The following NLGN1 variants were observed in gnomAD, a reference collection of about 807,000 sequenced individuals.
NLGN1 encodes the protein neuroligin 1.
NLGN1 carries 12 observed loss-of-function variants against 65.5 expected under a neutral mutation model. The ratio of observed to expected loss-of-function variants is 0.18; its 90% CI spans 0.12 to 0.30. NLGN1 has a LOEUF of 0.30. Among genes scored for constraint, NLGN1 ranks in the 10% least tolerant of loss-of-function variants. The pLI, the probability that NLGN1 is intolerant of heterozygous loss-of-function variation, is 1.00. For synonymous variants in NLGN1, 350 were observed against 359.5 expected (o/e 0.97, Z 0.30); for missense variants, 750 against 1,007.1 (o/e 0.74, Z 3.46).
At chr3:173,605,678 T>A in intron 3 of NLGN1, 85 bp downstream of exon 3, 1 of 604,526 alleles carries the variant, frequency 1.7e-6, no homozygotes, top group South Asian at 1.5e-5. Context: ...GATTTGCTGA[T>A]GCTGGGAAGT....
At chr3:174,069,433 A>G (rs771624231) in intron 4 of NLGN1, among the ~76,000 whole-genome samples, 1 of 152,222 alleles carries the variant, frequency 6.6e-6, no homozygotes, top group Non-Finnish European at 1.5e-5. Flanking sequence ...TTAGAAGGAT[A>G]TTGCAGTGAC....
chr3:173,445,255 G>T lies in NLGN1; in HGVS notation c.-321+10177G>T, dbSNP rs531566194. On this transcript the variant is annotated intron_variant, in intron 2 of 6. Transcript: ENST00000457714. ...TGCACTCCAGCCTGGGCGACAGAGC[G>T]AGACTCCGTCTCAAAAAAAAAAAAA... is the stretch of plus-strand genomic sequence containing the variant. Among the ~76,000 whole-genome samples the T allele has an allele frequency of 2.5e-5, 3 of 119,500 alleles. No homozygotes were observed. In the South Asian group the frequency reaches 8.6e-4, roughly 34 times the overall value. 78.4% of individuals were successfully genotyped at this position (119,500 alleles called of 152,430 possible).
intron 4 of NLGN1, among the ~76,000 whole-genome samples, chr3:174,078,046 T>C (rs1203688398): frequency 6.6e-6 from 1 of 152,176 alleles, no homozygotes; most frequent in African/African-American, 2.4e-5. Flanking sequence ...CCACATAGTC[T>C]TTTGTCTACA....
chr3:174,117,382 C>T (rs1353730909), intron 4 of NLGN1, among the ~76,000 whole-genome samples: 1 of 151,720 alleles, frequency 6.6e-6, no homozygotes, highest in Non-Finnish European at 1.5e-5. Context: ...TTTGGGAGGC[C>T]GAGGCGGGTG....
intron 3 of NLGN1, among the ~76,000 whole-genome samples, chr3:173,678,491 G>A (rs139633731): frequency 1.3e-3 from 202 of 152,180 alleles, no homozygotes; most frequent in African/African-American, 4.5e-3. Flanking sequence ...ATGTATTGAA[G>A]GAATCGTAGG....
chr3:174,228,100 A>T (rs6772965), intron 4 of NLGN1, among the ~76,000 whole-genome samples: 1 of 151,690 alleles, frequency 6.6e-6, no homozygotes, highest in African/African-American at 2.4e-5. Flanking sequence ...GAAATTGTTT[A>T]TCAATTGGTT....
intron 4 of NLGN1, among the ~76,000 whole-genome samples, chr3:173,966,964 A>C (rs936296380): frequency 3.9e-5 from 6 of 152,200 alleles, no homozygotes; most frequent in African/African-American, 1.4e-4. Context: ...TGGAGACTAA[A>C]ATCTGGAAAA....
intron 4 of NLGN1, among the ~76,000 whole-genome samples, chr3:173,827,257 G>C (rs1253284356): frequency 2.0e-5 from 3 of 152,016 alleles, no homozygotes; most frequent in African/African-American, 7.2e-5. Context: ...TGAAGAAGTA[G>C]GGAAAATCCA....
intron 2 of NLGN1, among the ~76,000 whole-genome samples, chr3:173,437,732 A>C (rs1184549278): frequency 6.7e-6 from 1 of 150,072 alleles, no homozygotes; most frequent in Non-Finnish European, 1.5e-5. Context: ...TGCCACCATC[A>C]CTCTTGGCTT....
rs372449561 is a variant in NLGN1, at chr3:174,279,013, C to G, written c.1012C>G (p.Pro338Ala). Residue 338 changes from proline (P) to alanine (A), a missense_variant, in exon 6 of 7, where the codon CCT (proline) becomes GCT (alanine). Coordinates refer to ENST00000457714, the Ensembl canonical transcript of NLGN1. This position sits in a 1 kb window ranked among gnomAD's most constrained non-coding sequence, Gnocchi z 4.7. Reference sequence around the variant, plus strand: ...GTTAGTGGAATGCCTACAGAAGAAGCCTTACAAAGAACTTGTTGACCAAGA... The same window carrying G: ...GTTAGTGGAATGCCTACAGAAGAAGGCTTACAAAGAACTTGTTGACCAAGA... 7.5e-6 allele frequency: 12 copies of G among 1,601,636 alleles called. No homozygotes were observed. Among genetic ancestry groups the G allele is most frequent in the African/African-American group, 6.7e-5 (5 of 74,310 alleles).
At chr3:173,974,319 A>G (rs1716947794) in intron 4 of NLGN1, among the ~76,000 whole-genome samples, 1 of 152,030 alleles carries the variant, frequency 6.6e-6, no homozygotes. Context: ...TGCTTAAGAA[A>G]CATTTATTTT....
rs60140480 is a variant in NLGN1, at chr3:173,445,267, CAAAAAA to C, written c.-321+10212_-321+10217del. On this transcript the variant is annotated intron_variant, in intron 2 of 6. Transcript: ENST00000457714. ...TGGGCGACAGAGCGAGACTCCGTCTCAAAAAAAAAAAAAAAAAAAAAAAAAAAACAA... is the reference window on the plus strand; with the variant it reads ...TGGGCGACAGAGCGAGACTCCGTCTCAAAAAAAAAAAAAAAAAAAAAACAA... 2.3e-4 allele frequency among the ~76,000 whole-genome samples: 24 copies of C among 103,486 alleles called. No individual in the cohort carries two copies. In the South Asian group the frequency reaches 2.4e-3, roughly 10 times the overall value. The allele number at this position is 103,486 out of a possible 152,430, so 67.9% of individuals were successfully genotyped here. A position where few individuals can be genotyped will look rare whatever the true frequency, so the allele number is the denominator to read the frequency against.
At chr3:174,081,603 T>G (rs1488153412) in intron 4 of NLGN1, among the ~76,000 whole-genome samples, 1 of 151,070 alleles carries the variant, frequency 6.6e-6, no homozygotes, top group Non-Finnish European at 1.5e-5. Flanking sequence ...GGTTGTTTTT[T>G]TTTTTTTTTT....
intron 4 of NLGN1, among the ~76,000 whole-genome samples, chr3:174,034,420 A>G (rs944021570): frequency 6.6e-5 from 10 of 152,066 alleles, no homozygotes; most frequent in African/African-American, 2.4e-4. Flanking sequence ...GGGAAAATAG[A>G]ACCTTTTATT....
At chr3:173,834,555 T>G (rs1723213689) in intron 4 of NLGN1, among the ~76,000 whole-genome samples, 1 of 152,174 alleles carries the variant, frequency 6.6e-6, no homozygotes, top group Admixed American at 6.5e-5. Flanking sequence ...CCTAAAATTC[T>G]TCTAAGTTCT....
rs1001974260 is a variant in NLGN1, at chr3:174,174,147, G to C, written c.647-101168G>C. ...CAATCTCATCCAGGTCACTGTGAATGCCTTAATTCATTCCTTTTTATGGCT... is the reference window on the plus strand; with the variant it reads ...CAATCTCATCCAGGTCACTGTGAATCCCTTAATTCATTCCTTTTTATGGCT... On this transcript the variant is annotated intron_variant, in intron 4 of 6. Coordinates refer to ENST00000457714, the Ensembl canonical transcript of NLGN1. Among the ~76,000 whole-genome samples the C allele has an allele frequency of 1.3e-4, 19 of 141,780 alleles. 1 individual carries two copies. The highest frequency in any genetic ancestry group is 1.3e-3 in the Admixed American group (19 of 14,970). 93.0% of individuals were successfully genotyped at this position (141,780 alleles called of 152,430 possible).
At chr3:174,268,759 T>TGTACA (rs1203813349) in intron 4 of NLGN1, among the ~76,000 whole-genome samples, 4 of 152,108 alleles carry the variant, frequency 2.6e-5, no homozygotes, top group Non-Finnish European at 5.9e-5. Context: ...AGTCATCTTC[T>TGTACA]TCTTTCCCAC....
At chr3:173,425,640 G>T (rs1715953981) in intron 1 of NLGN1, among the ~76,000 whole-genome samples, 1 of 151,832 alleles carries the variant, frequency 6.6e-6, no homozygotes, top group Non-Finnish European at 1.5e-5. Context: ...AAAATGAGTT[G>T]GCTGTAAATG....
chr3:173,463,353 G>T (rs547775589), intron 2 of NLGN1, among the ~76,000 whole-genome samples: 1 of 152,008 alleles, frequency 6.6e-6, no homozygotes, highest in Admixed American at 6.6e-5. Flanking sequence ...TAATTGTAAC[G>T]CTGTGTTTTC....
Sources: allele counts gnomAD v4.1 joint callset (sites outside exome capture counted in the v4.1 genomes callset), GRCh38; gene constraint gnomAD v4.1.1; non-coding constraint Gnocchi (gnomAD v3.1); transcripts MANE v1.5; gene names NCBI Gene and HGNC (gene_info 2026-07-23, HGNC 2026-07-21).